Variants in PCDHA1 observed in about 807,000 individuals in gnomAD.
PCDHA1 encodes protocadherin alpha-1.
PCDHA1 carries 42 observed loss-of-function variants against 61.3 expected under a neutral mutation model. The observed-to-expected ratio is 0.69, with a 90% CI of 0.54 to 0.89. The LOEUF (loss-of-function observed/expected upper bound fraction) is 0.89, where lower values mean the gene tolerates loss of function less well. PCDHA1 is among the 40% of genes least tolerant of loss of function. The probability of loss-of-function intolerance (pLI) is 0.00; values close to 1 mark genes in which losing one functional copy is unlikely to be tolerated. For synonymous variants in PCDHA1, 610 were observed against 553.8 expected (o/e 1.10, Z -1.43); for missense variants, 1,256 against 1,235.3 (o/e 1.02, Z -0.25).
intron 1 of PCDHA1, chr5:140,968,434 C>T: frequency 6.8e-6 from 11 of 1,613,948 alleles, no homozygotes; most frequent in Non-Finnish European, 8.5e-6. Flanking sequence ...ACAAGGGGAG[C>T]CCACCACTGA....
At chr5:140,864,370 C>T (rs185774022) in intron 1 of PCDHA1, 45 of 152,264 alleles carry the variant, frequency 3.0e-4, no homozygotes, top group African/African-American at 8.2e-4. Flanking sequence ...TTTCTATAAT[C>T]GATAAGTTTA....
intron 1 of PCDHA1, among the ~76,000 whole-genome samples, chr5:140,971,595 A>G (rs1228003229): frequency 6.6e-6 from 1 of 152,110 alleles, no homozygotes; most frequent in African/African-American, 2.4e-5. Flanking sequence ...CCTAGTTACT[A>G]CAGATGGCAG....
Position 140,982,581 on chromosome 5 carries a change from C to T in PCDHA1, c.2542+18C>T, listed in dbSNP as rs782060139. On this transcript the variant is annotated intron_variant, in intron 3 of 3. Transcript: ENST00000504120. ...AACACCAGGTAAAGAGCTGGGGTCT[C>T]TCCATTCTTTCTTGGTTTCTGGAAA... 9 of 1,612,098 alleles carry T rather than the reference C, an allele frequency of 5.6e-6. No individual in the cohort carries two copies. The highest frequency in any genetic ancestry group is 4.0e-5 in the African/African-American group (3 of 74,892).
chr5:140,857,657 C>A (rs1207727837), intron 1 of PCDHA1: 1 of 1,596,626 alleles, frequency 6.3e-7, no homozygotes. Flanking sequence ...GGTGAGCGCG[C>A]GCGATGGGGG....
chr5:140,841,966 A>G, intron 1 of PCDHA1: 1 of 1,613,924 alleles, frequency 6.2e-7, no homozygotes, highest in Non-Finnish European at 8.5e-7. Context: ...TGACAGCCAC[A>G]GATGGGGGCA....
chr5:140,850,290 G>C (rs2150477897), intron 1 of PCDHA1: 1 of 1,595,932 alleles, frequency 6.3e-7, no homozygotes, highest in South Asian at 1.1e-5. Flanking sequence ...CGCAGTGGAC[G>C]CCGACTCGGG....
rs782302860 is a variant in PCDHA1, at chr5:140,788,491, C to G, written c.2201C>G (p.Pro734Arg). The G allele has an allele frequency of 1.2e-6, 2 of 1,614,084 alleles. No individual in the cohort carries two copies. Among genetic ancestry groups the G allele is most frequent in the South Asian group, 1.1e-5 (1 of 91,066 alleles). ...SVPPTEGAYV[P>R]GKPTLVCSSA... Reference sequence around the variant, plus strand: ...CCGCCCACTGAGGGTGCGTATGTGCCGGGCAAGCCCACTCTGGTGTGCTCC... The same window carrying G: ...CCGCCCACTGAGGGTGCGTATGTGCGGGGCAAGCCCACTCTGGTGTGCTCC... Residue 734 changes from proline to arginine, a missense_variant, in exon 1 of 4, where the codon CCG becomes CGG. By Grantham distance (103) the Pro-to-Arg change is moderately radical. Coordinates refer to ENST00000504120, the MANE Select transcript of PCDHA1 (RefSeq NM_018900.4).
intron 1 of PCDHA1, chr5:140,796,273 G>A (rs1762059050): frequency 1.2e-6 from 2 of 1,613,998 alleles, no homozygotes; most frequent in Non-Finnish European, 1.7e-6. Context: ...TTCACTGTGG[G>A]CCACCACCAG....
In PCDHA1 at chr5:140,870,962, C is replaced by A. The variant is rs1489353896; in HGVS notation, c.2394+82278C>A. 7 of 1,613,532 alleles carry A rather than the reference C, an allele frequency of 4.3e-6. No individual in the cohort carries two copies. In the Admixed American group the frequency reaches 1.2e-4, roughly 27 times the overall value. On this transcript the variant is annotated intron_variant, in intron 1 of 3. Transcript: ENST00000504120. Reference sequence around the variant, plus strand: ...CCGGCGGCGGGCGGCTCGCGCATCCCGTTCCGCGTGGGGCTGTACACGGGC... The same window carrying A: ...CCGGCGGCGGGCGGCTCGCGCATCCAGTTCCGCGTGGGGCTGTACACGGGC...
At chr5:140,865,102 A>G (rs1251688673) in intron 1 of PCDHA1, 2 of 152,206 alleles carry the variant, frequency 1.3e-5, no homozygotes, top group Non-Finnish European at 2.9e-5. Context: ...AGGCACTTCC[A>G]CTTGACAATT....
intron 1 of PCDHA1, chr5:140,842,659 C>T: frequency 6.9e-6 from 11 of 1,595,302 alleles, no homozygotes; most frequent in African/African-American, 1.3e-5. Context: ...TGGAGGTGGC[C>T]GACGTGAACG....
At chr5:140,805,132 T>A in intron 1 of PCDHA1, 1 of 1,575,888 alleles carries the variant, frequency 6.3e-7, no homozygotes. Context: ...GGCAAAGACA[T>A]TTTGAAGACT....
intron 1 of PCDHA1, among the ~76,000 whole-genome samples, chr5:140,952,282 C>A (rs12187982): frequency 0.12 from 17,942 of 151,036 alleles, 1,209 homozygotes; most frequent in Middle Eastern, 0.19. Context: ...AGGGTGGTGG[C>A]CCTCTTCTCA....
At chr5:141,007,985 A>C (rs2153994605) in intron 3 of PCDHA1, among the ~76,000 whole-genome samples, 1 of 152,322 alleles carries the variant, frequency 6.6e-6, no homozygotes, top group South Asian at 2.1e-4. Context: ...TGTATATATG[A>C]AATGTACATG....
At chr5:140,915,732 G>A (rs1454734995) in intron 1 of PCDHA1, among the ~76,000 whole-genome samples, 2 of 151,870 alleles carry the variant, frequency 1.3e-5, no homozygotes, top group East Asian at 3.9e-4. Flanking sequence ...ATTGTGCTGG[G>A]TCAGACCTAT....
intron 3 of PCDHA1, among the ~76,000 whole-genome samples, chr5:140,991,152 C>T (rs533894396): frequency 4.1e-4 from 63 of 152,168 alleles, no homozygotes; most frequent in South Asian, 1.0e-3. Flanking sequence ...TTTTGCTCAC[C>T]ATTGTATTCC....
intron 1 of PCDHA1, chr5:140,796,695 G>A (rs1554120056): frequency 2.5e-6 from 4 of 1,613,990 alleles, no homozygotes; most frequent in South Asian, 1.1e-5. Flanking sequence ...CTGGCGCAGT[G>A]AGTGAGCTGG....
At chr5:140,803,517 C>T (rs782792820) in intron 1 of PCDHA1, 1 of 1,614,202 alleles carries the variant, frequency 6.2e-7, no homozygotes, top group Non-Finnish European at 8.5e-7. Flanking sequence ...GGCTTTTAGC[C>T]CTAGCCTTCC....
intron 1 of PCDHA1, chr5:140,868,770 T>C (rs936187064): frequency 1.9e-5 from 5 of 257,030 alleles, no homozygotes; most frequent in Non-Finnish European, 3.7e-5. Flanking sequence ...TTAGTTTCAA[T>C]ATGACTTATA....
Sources: allele counts gnomAD v4.1 joint callset (sites outside exome capture counted in the v4.1 genomes callset), GRCh38; gene constraint gnomAD v4.1.1; transcripts MANE v1.5; gene names NCBI Gene and HGNC (gene_info 2026-07-23, HGNC 2026-07-21).